Variants in CBFB observed in about 807,000 individuals in gnomAD.
The protein encoded by CBFB is CBF-beta.
CBFB carries 9 observed loss-of-function variants against 30.4 expected under a neutral mutation model. The observed-to-expected ratio is 0.30, with a 90% confidence interval of 0.18 to 0.52. The LOEUF is 0.52. Among genes scored for constraint, CBFB ranks in the 20% least tolerant of loss-of-function variants. The probability of loss-of-function intolerance (pLI) is 0.97; values close to 1 mark genes in which losing one functional copy is unlikely to be tolerated. For missense variants in CBFB, 170 were observed against 244.0 expected (o/e 0.70, Z 2.02); for synonymous variants, 94 against 84.0 (o/e 1.12, Z -0.65).
In CBFB at chr16:67,098,793, GAT is replaced by G. The variant is rs1567628297; in HGVS notation, c.*16_*17del. On this transcript the variant is annotated 3_prime_UTR_variant, in exon 6 of 6. Transcript: ENST00000412916. The stretch of plus-strand genomic sequence containing the variant: ...AACTTCGTTAATTAATAGCACAGCA[GAT>G]GTGTGCTGCCCATCTTTACATACAC... 1 of 1,441,446 alleles carries G rather than the reference GAT, an allele frequency of 6.9e-7. No individual in the cohort carries two copies. Among genetic ancestry groups the G allele is most frequent in the African/African-American group, 1.4e-5 (1 of 71,706 alleles). 89.3% of individuals were successfully genotyped at this position (1,441,446 alleles called of 1,614,324 possible).
intron 4 of CBFB, among the ~76,000 whole-genome samples, chr16:67,069,174 A>G (rs903162413): frequency 7.9e-5 from 12 of 152,018 alleles, no homozygotes; most frequent in African/African-American, 2.4e-4. Context: ...AGATTGCACC[A>G]TTGCACTCCA....
At chr16:67,069,475 T>G (rs1298138758) in intron 4 of CBFB, among the ~76,000 whole-genome samples, 4 of 151,924 alleles carry the variant, frequency 2.6e-5, no homozygotes, top group African/African-American at 9.7e-5. Flanking sequence ...AAATTAACAG[T>G]CTTGGGGACC....
intron 3 of CBFB, among the ~76,000 whole-genome samples, chr16:67,053,549 C>T (rs535010587): frequency 1.3e-5 from 2 of 152,124 alleles, no homozygotes; most frequent in East Asian, 1.9e-4. Context: ...GCCACCGCAC[C>T]CAGCCTTCTA....
intron 3 of CBFB, among the ~76,000 whole-genome samples, chr16:67,043,281 A>C: frequency 6.6e-6 from 1 of 152,184 alleles, no homozygotes; most frequent in East Asian, 1.9e-4. Flanking sequence ...TTAGAATCCT[A>C]ATAGAGCGGA....
At chr16:67,071,158 T>C (rs956970724) in intron 4 of CBFB, among the ~76,000 whole-genome samples, 1 of 152,122 alleles carries the variant, frequency 6.6e-6, no homozygotes, top group South Asian at 2.1e-4. Flanking sequence ...CAAGATAATA[T>C]AAGTAAAGAA....
chr16:67,032,003 A>G (rs1456590763), intron 2 of CBFB, among the ~76,000 whole-genome samples: 4 of 152,052 alleles, frequency 2.6e-5, no homozygotes, highest in African/African-American at 4.8e-5. Context: ...CATGTGTTGT[A>G]TTATCATCAC....
chr16:67,071,702 C>T (rs906597672), intron 4 of CBFB, among the ~76,000 whole-genome samples: 2 of 152,110 alleles, frequency 1.3e-5, no homozygotes, highest in African/African-American at 4.8e-5. Context: ...ATGCTGCCCA[C>T]AAGATTGTGG....
chr16:67,058,332 G>T (rs942790251), intron 3 of CBFB, among the ~76,000 whole-genome samples: 3 of 152,078 alleles, frequency 2.0e-5, no homozygotes, highest in African/African-American at 7.2e-5. Context: ...GTATTGATTG[G>T]ATTTCACCAT....
intron 5 of CBFB, among the ~76,000 whole-genome samples, chr16:67,090,105 GCT>G (rs1961840769): frequency 6.6e-6 from 1 of 152,118 alleles, no homozygotes; most frequent in Admixed American, 6.6e-5. Context: ...ACTTTTCTTG[GCT>G]CTGTTGGAGG....
At chr16:67,050,462 A>T (rs1295511388) in intron 3 of CBFB, among the ~76,000 whole-genome samples, 1 of 151,958 alleles carries the variant, frequency 6.6e-6, no homozygotes, top group Non-Finnish European at 1.5e-5. Flanking sequence ...TAGTTTATAA[A>T]TTAGGCACAG....
At chr16:67,040,629 T>C (rs1340684028) in intron 3 of CBFB, among the ~76,000 whole-genome samples, 1 of 152,238 alleles carries the variant, frequency 6.6e-6, no homozygotes, top group African/African-American at 2.4e-5. Context: ...TTACGTGTAC[T>C]GAGCATTGTC....
At chr16:67,046,859 A>G (rs1966635764) in intron 3 of CBFB, among the ~76,000 whole-genome samples, 1 of 152,210 alleles carries the variant, frequency 6.6e-6, no homozygotes. Flanking sequence ...AGCTACAGAC[A>G]AGCTAAAGTA....
At chr16:67,042,048 C>T (rs1443321008) in intron 3 of CBFB, among the ~76,000 whole-genome samples, 1 of 151,922 alleles carries the variant, frequency 6.6e-6, no homozygotes, top group East Asian at 1.9e-4. Flanking sequence ...GCTGGGACCA[C>T]AGCATCTCAC....
At chr16:67,070,852 T>C (rs1961203450) in intron 4 of CBFB, among the ~76,000 whole-genome samples, 1 of 152,112 alleles carries the variant, frequency 6.6e-6, no homozygotes, top group Non-Finnish European at 1.5e-5. Flanking sequence ...CAAGACCCTG[T>C]CTCAAAAACA....
At chr16:67,048,852 C>G (rs1391448391) in intron 3 of CBFB, among the ~76,000 whole-genome samples, 1 of 125,662 alleles carries the variant, frequency 8.0e-6, no homozygotes, top group Non-Finnish European at 1.6e-5. Context: ...TGGAGTTTCA[C>G]TCTTGTTGTC....
chr16:67,084,037 C>T (rs1029683392), intron 5 of CBFB, among the ~76,000 whole-genome samples: 6 of 151,708 alleles, frequency 4.0e-5, no homozygotes, highest in African/African-American at 1.5e-4. Context: ...CATGGTGGCA[C>T]ATGCCTGTTG....
intron 3 of CBFB, among the ~76,000 whole-genome samples, chr16:67,062,183 T>C (rs984184021): frequency 6.6e-6 from 1 of 151,916 alleles, no homozygotes; most frequent in Non-Finnish European, 1.5e-5. Flanking sequence ...ATTTTTTTTT[T>C]TTGAGACAGA....
At chr16:67,088,319 A>G (rs538171718) in intron 5 of CBFB, among the ~76,000 whole-genome samples, 106 of 152,310 alleles carry the variant, frequency 7.0e-4, no homozygotes, top group Admixed American at 2.7e-3. Context: ...TAAAAAGAGA[A>G]TATTGGAGAA....
chr16:67,088,236 C>T (rs549374482), intron 5 of CBFB, among the ~76,000 whole-genome samples: 1 of 152,242 alleles, frequency 6.6e-6, no homozygotes, highest in African/African-American at 2.4e-5. Flanking sequence ...TATTTTGCTT[C>T]TTTGTCTTTT....
Sources: allele counts gnomAD v4.1 joint callset (sites outside exome capture counted in the v4.1 genomes callset), GRCh38; gene constraint gnomAD v4.1.1; transcripts MANE v1.5; gene names NCBI Gene and HGNC (gene_info 2026-07-23, HGNC 2026-07-21).